The following ADAM22 variants were observed in gnomAD, a reference collection of about 807,000 sequenced individuals.
ADAM22 encodes disintegrin and metalloproteinase domain-containing protein 22.
ADAM22 carries 65 observed loss-of-function variants against 144.6 expected under a neutral mutation model. The ratio of observed to expected loss-of-function variants is 0.45; its 90% confidence interval spans 0.37 to 0.55. The LOEUF (loss-of-function observed/expected upper bound fraction) is 0.55. Ranked by LOEUF, ADAM22 falls within the 20% of genes least tolerant of loss-of-function variation. The pLI, the probability that ADAM22 is intolerant of heterozygous loss-of-function variation, is 0.00. For missense variants in ADAM22, 974 were observed against 1,184.9 expected, an observed-to-expected ratio of 0.82 and a Z score of 2.61; for synonymous variants, 391 against 412.6, an observed-to-expected ratio of 0.95 and a Z score of 0.63.
intron 3 of ADAM22, among the ~76,000 whole-genome samples, chr7:88,000,429 T>C (rs2129455976): frequency 6.6e-6 from 1 of 152,298 alleles, no homozygotes; most frequent in Non-Finnish European, 1.5e-5. Flanking sequence ...TATTTCATTG[T>C]TTTTTATTTT....
chr7:88,076,999 T>C (rs945122491), intron 4 of ADAM22, among the ~76,000 whole-genome samples: 1 of 152,194 alleles, frequency 6.6e-6, no homozygotes, highest in Admixed American at 6.5e-5. Context: ...AGATAAATGT[T>C]TTCATTTTGT....
chr7:87,970,482 C>G (rs1173121695), intron 2 of ADAM22, among the ~76,000 whole-genome samples: 1 of 152,084 alleles, frequency 6.6e-6, no homozygotes, highest in East Asian at 1.9e-4. Context: ...AACATCAATT[C>G]GTTATTCAGG....
intron 25 of ADAM22, among the ~76,000 whole-genome samples, chr7:88,169,982 G>A (rs1372235672): frequency 6.6e-6 from 1 of 151,970 alleles, no homozygotes; most frequent in Non-Finnish European, 1.5e-5. Context: ...AAACCTAAAC[G>A]CTCATATTAC....
At position 88,176,208 on chromosome 7, in the gene ADAM22, C is replaced by T. The variant is rs1043028303; in HGVS notation, c.2301-2727C>T. On this transcript the variant is annotated intron_variant, in intron 26 of 31. Transcript: ENST00000413139. ...CAGGCTGGTCTCGAATTCCTGACCTCGTGATCCGCCCACCTCAGCCTTCCA... is the reference window on the plus strand; with the variant it reads ...CAGGCTGGTCTCGAATTCCTGACCTTGTGATCCGCCCACCTCAGCCTTCCA... Among the ~76,000 whole-genome samples the T allele has an allele frequency of 6.4e-4, 97 of 152,228 alleles. 1 individual carries two copies. The highest frequency in any genetic ancestry group is 2.3e-3 in the African/African-American group (96 of 41,542).
intron 4 of ADAM22, among the ~76,000 whole-genome samples, chr7:88,079,463 A>G (rs199880361): frequency 6.6e-6 from 1 of 152,202 alleles, no homozygotes; most frequent in Non-Finnish European, 1.5e-5. Flanking sequence ...ACCAGCTAAC[A>G]TCATAATGAC....
chr7:88,053,342 G>T (rs1807042159), intron 3 of ADAM22, among the ~76,000 whole-genome samples: 1 of 151,892 alleles, frequency 6.6e-6, no homozygotes, highest in Non-Finnish European at 1.5e-5. Flanking sequence ...TAGTATGCAT[G>T]CCTGTAGTCC....
intron 14 of ADAM22, 86 bp from the exon 15 acceptor site, chr7:88,142,940 A>G (rs1007437487): frequency 3.0e-5 from 23 of 775,270 alleles, no homozygotes; most frequent in Non-Finnish European, 4.4e-5. Flanking sequence ...AAAGAGTAAT[A>G]TACAATTTTA....
At chr7:88,130,004 T>C (rs1384906125) in intron 9 of ADAM22, among the ~76,000 whole-genome samples, 1 of 152,134 alleles carries the variant, frequency 6.6e-6, no homozygotes, top group Non-Finnish European at 1.5e-5. Flanking sequence ...AGTGTTCACA[T>C]CCACTTTACT....
intron 21 of ADAM22, among the ~76,000 whole-genome samples, chr7:88,155,334 G>A (rs1380377743): frequency 1.3e-5 from 2 of 151,934 alleles, no homozygotes; most frequent in Non-Finnish European, 2.9e-5. Flanking sequence ...GCCAGCCTGG[G>A]CAACATAGTG....
intron 23 of ADAM22, among the ~76,000 whole-genome samples, chr7:88,165,560 T>C (rs906917986): frequency 1.3e-5 from 2 of 151,654 alleles, no homozygotes; most frequent in African/African-American, 2.4e-5. Flanking sequence ...TTAGTGAAAG[T>C]CAAAACAATA....
intron 4 of ADAM22, among the ~76,000 whole-genome samples, chr7:88,076,552 A>G (rs1814566718): frequency 1.3e-5 from 2 of 152,124 alleles, no homozygotes; most frequent in South Asian, 4.2e-4. Context: ...GTAAAATGTA[A>G]AATTGTTAGA....
chr7:88,156,883 T>C (rs1270668462), intron 22 of ADAM22, among the ~76,000 whole-genome samples: 1 of 149,118 alleles, frequency 6.7e-6, no homozygotes, highest in African/African-American at 2.5e-5. Flanking sequence ...GAGCAGATTA[T>C]CAGAGATGTG....
At chr7:88,087,206 G>T (rs1230213628) in intron 4 of ADAM22, among the ~76,000 whole-genome samples, 1 of 151,978 alleles carries the variant, frequency 6.6e-6, no homozygotes, top group Non-Finnish European at 1.5e-5. Context: ...AAAATAAGAG[G>T]CATAAAAATT....
intron 7 of ADAM22, among the ~76,000 whole-genome samples, chr7:88,120,348 C>T (rs1828976511): frequency 6.6e-6 from 1 of 151,800 alleles, no homozygotes. Flanking sequence ...CCACAACAGG[C>T]CCTGGTGTGT....
intron 4 of ADAM22, among the ~76,000 whole-genome samples, chr7:88,105,468 A>C (rs2129487250): frequency 6.6e-6 from 1 of 152,304 alleles, no homozygotes; most frequent in East Asian, 1.9e-4. Flanking sequence ...CGGGCATCTA[A>C]GTGATAACAT....
At chr7:88,112,728 T>C (rs1826374763) in intron 5 of ADAM22, among the ~76,000 whole-genome samples, 1 of 152,102 alleles carries the variant, frequency 6.6e-6, no homozygotes, top group African/African-American at 2.4e-5. Context: ...TTTAAAGAAA[T>C]ATAGGGTCTT....
At chr7:88,180,859 C>T (rs1264565325) in intron 27 of ADAM22, among the ~76,000 whole-genome samples, 1 of 152,016 alleles carries the variant, frequency 6.6e-6, no homozygotes, top group African/African-American at 2.4e-5. Context: ...ACACAAATAG[C>T]AGGTGGGCTC....
At chr7:88,114,689 A>G (rs781203785) in intron 6 of ADAM22, 42 bp downstream of exon 6, 9 of 1,585,964 alleles carry the variant, frequency 5.7e-6, no homozygotes, top group Non-Finnish European at 7.8e-6. Flanking sequence ...GGAAATGTTT[A>G]TGCTGAGAGC....
At chr7:88,015,327 A>G (rs1796318442) in intron 3 of ADAM22, among the ~76,000 whole-genome samples, 1 of 152,222 alleles carries the variant, frequency 6.6e-6, no homozygotes, top group African/African-American at 2.4e-5. Flanking sequence ...AGAGAATAGT[A>G]AAATGCTTAA....
Sources: gnomAD v4.1 joint callset for allele counts (sites outside exome capture counted in the v4.1 genomes callset) on GRCh38, gnomAD v4.1.1 for gene constraint, MANE v1.5 for transcripts, NCBI Gene and HGNC (gene_info 2026-07-23, HGNC 2026-07-21) for gene names.